Variants in GNG13 observed in about 807,000 individuals in gnomAD.
GNG13 encodes the protein G protein subunit gamma 13, also known as guanine nucleotide-binding protein G(I)/G(S)/G(O) subunit gamma-13.
A neutral mutation model predicts 8.2 loss-of-function variants in GNG13; 12 were observed. The ratio of observed to expected loss-of-function variants is 1.47; its 90% CI spans 0.94 to 2.38. GNG13 has a LOEUF of 2.38. GNG13 is among the 30% of genes most tolerant of loss of function. The pLI is 0.00. For missense variants in GNG13, 100 were observed against 85.2 expected (o/e 1.17, Z -0.68); for synonymous variants, 45 against 33.0 (o/e 1.37, Z -1.25).
chr16:799,834 C>T (rs901060554), intron 1 of GNG13, among the ~76,000 whole-genome samples: 4 of 152,144 alleles, frequency 2.6e-5, no homozygotes, highest in Non-Finnish European at 4.4e-5. Context: ...CTGCCTCTCC[C>T]CCTACCCACT....
chr16:799,177 C>T (rs1422240890), intron 1 of GNG13, 66 bp from the exon 2 acceptor site: 21 of 718,080 alleles, frequency 2.9e-5, no homozygotes, highest in South Asian at 2.4e-4. Context: ...CCCCGCTGCT[C>T]CCCGCAGGCC....
rs769616236 is a variant in GNG13, at chr16:798,757, T to G, written c.166A>C (p.Asn56His). ...PFLNPDLMKN[N>H]PWVEKGKCTI... is the part of the protein sequence containing the mutation. The stretch of plus-strand genomic sequence containing the variant: ...CATTTGCCCTTTTCCACCCATGGGT[T>G]GTTCTTCATCAGGTCGGGGTTCAGG... Residue 56 changes from asparagine to histidine, a missense_variant, in exon 3 of 3, where the codon AAC (asparagine) becomes CAC (histidine). Physicochemically the swap from Asn to His is moderately conservative, Grantham distance 68. Coordinates refer to ENST00000248150, the MANE Select transcript of GNG13 (RefSeq NM_016541.3). 17 of 1,612,942 alleles carry G rather than the reference T, an allele frequency of 1.1e-5. No homozygotes were observed. In the East Asian group the frequency reaches 2.7e-4, roughly 25 times the overall value.
chr16:798,860 C>T (rs1208522521), intron 2 of GNG13, 36 bp from the exon 3 acceptor site: 1 of 1,475,888 alleles, frequency 6.8e-7, no homozygotes, highest in African/African-American at 1.4e-5. Context: ...GTGGTGGCAC[C>T]TGACCCCCGA....
Position 798,631 on chromosome 16 carries a change from A to G in GNG13, c.*88T>C. The G allele has an allele frequency of 1.2e-6, 1 of 834,928 alleles. No homozygotes were observed. The highest frequency in any genetic ancestry group is 2.5e-5 in the East Asian group (1 of 40,278). The allele number at this position is 834,928 out of a possible 1,614,324, so 51.7% of individuals were successfully genotyped here. A position where few individuals can be genotyped will look rare whatever the true frequency, so the allele number is the denominator to read the frequency against. On this transcript the variant is annotated 3_prime_UTR_variant, in exon 3 of 3. Transcript: ENST00000248150. ...GGAGTGGGACTCACAGGATGGAGTG[A>G]GTGGGGCTGGGCACAGTCTTACAAG...
intron 1 of GNG13, among the ~76,000 whole-genome samples, chr16:799,681 T>A (rs2042430567): frequency 6.6e-6 from 1 of 152,082 alleles, no homozygotes; most frequent in Non-Finnish European, 1.5e-5. Context: ...ATATGGGCTG[T>A]GGGTGGCCCC....
Position 799,066 on chromosome 16 carries a change from C to T in GNG13, c.12G>A (p.Trp4Ter), listed in dbSNP as rs766468893. ...CCTCTTTCTTCATCTGTGGCACGTC[C>T]CACTCCTCCATGGGGTCAGGGGCTT... MEE[W>*]DVPQMKKEVE... Residue 4 changes from tryptophan (W) to a stop codon, truncating the protein, a stop_gained, in exon 2 of 3, where the codon TGG (tryptophan) becomes TGA (stop). Transcript: ENST00000248150. LOFTEE classifies it high-confidence loss of function. 4.9e-5 allele frequency: 78 copies of T among 1,601,798 alleles called. No homozygotes were observed. The highest frequency in any genetic ancestry group is 6.2e-5 in the Non-Finnish European group (73 of 1,169,546).
At chr16:799,238 G>T in intron 1 of GNG13, 127 bp from the exon 2 acceptor site, 1 of 618,092 alleles carries the variant, frequency 1.6e-6, no homozygotes, top group Non-Finnish European at 2.9e-6. Context: ...CACTGCCTGG[G>T]CCAGTCCCCT....
chr16:799,719 A>G (rs2042430891), intron 1 of GNG13, among the ~76,000 whole-genome samples: 1 of 152,068 alleles, frequency 6.6e-6, no homozygotes, highest in Non-Finnish European at 1.5e-5. Flanking sequence ...TGGGAACCAC[A>G]CACGTTACCT....
chr16:799,541 C>T (rs2042429539), intron 1 of GNG13, among the ~76,000 whole-genome samples: 1 of 152,180 alleles, frequency 6.6e-6, no homozygotes, highest in African/African-American at 2.4e-5. Flanking sequence ...TGCCCCTTTG[C>T]TTTGCATGGC....
At chr16:799,391 G>A (rs1349832588) in intron 1 of GNG13, among the ~76,000 whole-genome samples, 5 of 152,190 alleles carry the variant, frequency 3.3e-5, no homozygotes, top group Non-Finnish European at 7.4e-5. Flanking sequence ...AAGATCCCTT[G>A]CAGGCAGGAG....
rs1324438252 is a variant in GNG13 at position 799,110 on chromosome 16, G to A, written c.-33C>T. On this transcript the variant is annotated splice_region_variant and 5_prime_UTR_variant, in exon 2 of 3. Transcript: ENST00000248150. ...GGGGCTTCTGAAGCAGCCAGCCTGGGGCTGGAGGGCACAGGAGGAAGCCAC... is the reference window on the plus strand; with the variant it reads ...GGGGCTTCTGAAGCAGCCAGCCTGGAGCTGGAGGGCACAGGAGGAAGCCAC... 7.6e-7 allele frequency: 1 copy of A among 1,314,032 alleles called. No homozygotes were observed. 81.4% of individuals were successfully genotyped at this position (1,314,032 alleles called of 1,614,324 possible).
At chr16:800,205 T>C (rs61033253) in intron 1 of GNG13, among the ~76,000 whole-genome samples, 49,595 of 151,986 alleles carry the variant, frequency 0.33, 8,867 homozygotes, top group South Asian at 0.55. Flanking sequence ...TCCCGGAGAC[T>C]CTGGAGTTCC....
rs2042423864 is a variant in GNG13, at chr16:798,975, C to G, written c.98+5G>C. Reference sequence around the variant, plus strand: ...AGAGGCAAATCAGGCAGGTGGGGCACTCACTCGGGGATGGTCTTGGACGCC... The same window carrying G: ...AGAGGCAAATCAGGCAGGTGGGGCAGTCACTCGGGGATGGTCTTGGACGCC... On this transcript the variant is annotated splice_donor_5th_base_variant and intron_variant, in intron 2 of 2. Transcript: ENST00000248150. 1.9e-6 allele frequency: 3 copies of G among 1,562,776 alleles called. No homozygotes were observed. The highest frequency in any genetic ancestry group is 2.6e-6 in the Non-Finnish European group (3 of 1,133,604).
At chr16:800,488 G>A (rs1007873277) in intron 1 of GNG13, among the ~76,000 whole-genome samples, 178 bp downstream of exon 1, 1 of 152,194 alleles carries the variant, frequency 6.6e-6, no homozygotes, top group Non-Finnish European at 1.5e-5. Flanking sequence ...CAGCTCCCCC[G>A]CACCGCGAGA....
At position 798,770 on chromosome 16, in the gene GNG13, G is replaced by A. The variant is rs754220048; in HGVS notation, c.153C>T (p.Asp51=). 6.2e-7 allele frequency: 1 copy of A among 1,613,354 alleles called. No homozygotes were observed. Among genetic ancestry groups the A allele is most frequent in the South Asian group, 1.1e-5 (1 of 91,064 alleles). ...GIPKDPFLNP[D]LMKNNPWVEK... ...CCACCCATGGGTTGTTCTTCATCAGGTCGGGGTTCAGGAAGGGGTCCTTGG... is the reference window on the plus strand; with the variant it reads ...CCACCCATGGGTTGTTCTTCATCAGATCGGGGTTCAGGAAGGGGTCCTTGG... Residue 51 remains aspartate, a synonymous_variant, in exon 3 of 3, where the codon GAC becomes GAT. Coordinates refer to ENST00000248150, the MANE Select transcript of GNG13 (RefSeq NM_016541.3).
Position 800,438 on chromosome 16 carries a change from C to T in GNG13, c.-35+228G>A, listed in dbSNP as rs376483505. Among the ~76,000 whole-genome samples the T allele has an allele frequency of 6.9e-3, 1,056 of 152,326 alleles. 16 individuals are homozygous for T. The highest frequency in any genetic ancestry group is 0.024 in the African/African-American group (1,005 of 41,578). On this transcript the variant is annotated intron_variant, in intron 1 of 2. Coordinates refer to ENST00000248150, the MANE Select transcript of GNG13 (RefSeq NM_016541.3). The stretch of plus-strand genomic sequence containing the variant: ...CGTGGACGCCCCCAGCCACGGGACT[C>T]GGTGGGCACTGCAGGCGGCGCACGG...
At position 798,535 on chromosome 16, in the gene GNG13, C is replaced by T. The variant is rs138275328; in HGVS notation, c.*184G>A. 49 of 667,280 alleles carry T rather than the reference C, an allele frequency of 7.3e-5. No homozygotes were observed. The East Asian group carries it at 8.0e-4, about 11-fold the overall frequency. The allele number at this position is 667,280 out of a possible 1,614,324, so 41.3% of individuals were successfully genotyped here. ...TCTTACAAGATGGAGTGAGTGGGGC[C>T]GGGAGTGGGGCTCACAGGTTGGTGT... On this transcript the variant is annotated 3_prime_UTR_variant, in exon 3 of 3. Transcript: ENST00000248150.
At chr16:799,176 TC>T (rs2042426053) in intron 1 of GNG13, 65 bp from the exon 2 acceptor site, 2 of 724,324 alleles carry the variant, frequency 2.8e-6, no homozygotes, top group South Asian at 1.5e-5. Flanking sequence ...CCCCCGCTGC[TC>T]CCCGCAGGCC....
intron 1 of GNG13, among the ~76,000 whole-genome samples, chr16:799,626 G>A (rs543054567): frequency 7.2e-5 from 11 of 152,336 alleles, no homozygotes; most frequent in African/African-American, 2.4e-4. Context: ...GGTGGGGTGT[G>A]TGCTCAGGAT....
Sources: gnomAD v4.1 joint callset for allele counts (sites outside exome capture counted in the v4.1 genomes callset) on GRCh38, gnomAD v4.1.1 for gene constraint, MANE v1.5 for transcripts, NCBI Gene and HGNC (gene_info 2026-07-23, HGNC 2026-07-21) for gene names.